KMT2C: variants seen among roughly 807,000 people sequenced by gnomAD.
KMT2C encodes histone-lysine N-methyltransferase 2C.
Under a neutral mutation model 507.9 loss-of-function variants are expected in KMT2C, and 88 were observed. The ratio of observed to expected loss-of-function variants is 0.17; its 90% CI spans 0.15 to 0.21. The LOEUF (loss-of-function observed/expected upper bound fraction) is 0.21. Among genes scored for constraint, KMT2C ranks in the 10% least tolerant of loss-of-function variants. The probability of loss-of-function intolerance (pLI) is 1.00; values close to 1 mark genes in which losing one functional copy is unlikely to be tolerated. For synonymous variants in KMT2C, 2,049 were observed against 2,080.8 expected, an observed-to-expected ratio of 0.98 and a Z score of 0.42; for missense variants, 4,954 against 5,957.8, an observed-to-expected ratio of 0.83 and a Z score of 5.55.
rs2129103949 is a variant in KMT2C at position 152,162,688 on chromosome 7, G to A, written c.10889C>T (p.Thr3630Ile). 6.2e-7 allele frequency: 1 copy of A among 1,614,222 alleles called. No individual in the cohort carries two copies. The highest frequency in any genetic ancestry group is 8.5e-7 in the Non-Finnish European group (1 of 1,180,032). Residue 3630 changes from threonine (T) to isoleucine (I), a missense_variant, in exon 43 of 59, where the codon ACT becomes ATT. Thr to Ile is a moderately conservative substitution (Grantham distance 89). Around this residue, in one of 29 missense-constraint regions of KMT2C, gnomAD observed 801 missense variants for 751.2 expected, o/e 1.07. Transcript: ENST00000262189. ...TGAGATGCCTGGAGTCGGTGGGGCA[G>A]TTATATCTGAATGGGGAGTTGATGG... ...KAPSTPHSDI[T>I]APPTPGISET...
At chr7:152,428,458 C>CA (rs140697569) in intron 1 of KMT2C, among the ~76,000 whole-genome samples, 850 of 73,482 alleles carry the variant, frequency 0.012, 7 homozygotes, top group Middle Eastern at 0.025. Context: ...ACTAAAAATA[C>CA]AAAAAAAAAA....
At chr7:152,393,657 TA>T (rs2097518102) in intron 1 of KMT2C, among the ~76,000 whole-genome samples, 1 of 152,128 alleles carries the variant, frequency 6.6e-6, no homozygotes, top group Non-Finnish European at 1.5e-5. Context: ...CTCATGCCTG[TA>T]ATCCCAACAC....
intron 1 of KMT2C, among the ~76,000 whole-genome samples, chr7:152,422,107 C>A (rs1277368407): frequency 2.6e-5 from 4 of 151,970 alleles, no homozygotes; most frequent in Non-Finnish European, 4.4e-5. Context: ...CCTCTTCACC[C>A]AAAATACATA....
chr7:152,301,557 T>G (rs2096568791), intron 6 of KMT2C, among the ~76,000 whole-genome samples: 1 of 151,908 alleles, frequency 6.6e-6, no homozygotes. Flanking sequence ...TGTGGTGGCA[T>G]GCATTTGTGA....
Position 152,200,223 on chromosome 7 carries a change from A to T in KMT2C, c.4093-764T>A, listed in dbSNP as rs143043864. On this transcript the variant is annotated intron_variant, in intron 26 of 58. Transcript: ENST00000262189. ...AACATTTAACACATTCTTGCCAAACATGCACAAAAAAGTTCACTGTAGCAT... is the reference window on the plus strand; with the variant it reads ...AACATTTAACACATTCTTGCCAAACTTGCACAAAAAAGTTCACTGTAGCAT... Among the ~76,000 whole-genome samples, 260 of 152,332 alleles carry T rather than the reference A, an allele frequency of 1.7e-3. 1 individual carries two copies. The highest frequency in any genetic ancestry group is 1.7e-3 in the Non-Finnish European group (118 of 68,026).
At chr7:152,249,790 A>C (rs749403953) in intron 13 of KMT2C, 86 bp downstream of exon 13, 50 of 727,014 alleles carry the variant, frequency 6.9e-5, no homozygotes, top group Non-Finnish European at 1.2e-4. Context: ...TAATGTATAT[A>C]CATACAGCAA....
chr7:152,393,310 A>T (rs1174663882), intron 1 of KMT2C, among the ~76,000 whole-genome samples: 1 of 152,198 alleles, frequency 6.6e-6, no homozygotes, highest in Non-Finnish European at 1.5e-5. Context: ...TAGAAAACTG[A>T]TCTCAGAGTT....
intron 1 of KMT2C, among the ~76,000 whole-genome samples, chr7:152,373,843 A>G (rs2097308793): frequency 6.6e-6 from 1 of 152,208 alleles, no homozygotes; most frequent in Admixed American, 6.5e-5. Context: ...ATGAACATAA[A>G]GGAAGAATAA....
chr7:152,241,438 C>G (rs200215737), intron 14 of KMT2C, among the ~76,000 whole-genome samples: 1 of 152,288 alleles, frequency 6.6e-6, no homozygotes, highest in Non-Finnish European at 1.5e-5. Flanking sequence ...GATCCACCAG[C>G]CTTGGCATCC....
At chr7:152,360,373 G>T (rs184708064) in intron 1 of KMT2C, among the ~76,000 whole-genome samples, 6 of 151,896 alleles carry the variant, frequency 4.0e-5, no homozygotes, top group Non-Finnish European at 8.8e-5. Context: ...AGCTACTCAG[G>T]AGGCTGAGGC....
intron 2 of KMT2C, among the ~76,000 whole-genome samples, chr7:152,355,554 A>AAAAC (rs575118503): frequency 1.1e-4 from 16 of 152,200 alleles, no homozygotes; most frequent in African/African-American, 3.6e-4. Flanking sequence ...AAAAAACAAA[A>AAAAC]AAACAAACAA....
rs1008421847 is a variant in KMT2C at position 152,286,654 on chromosome 7, T to C, written c.850-12787A>G. On this transcript the variant is annotated intron_variant, in intron 6 of 58. Transcript: ENST00000262189. ...ACTTTTCCCTGTTCTTTCCACTAAA[T>C]ACAGCTTTAAAAACCCTTAGCCGTG... Among the ~76,000 whole-genome samples the C allele has an allele frequency of 4.6e-5, 7 of 152,162 alleles. No individual in the cohort carries two copies. In the South Asian group the frequency reaches 6.2e-4, roughly 13 times the overall value.
At chr7:152,229,726 T>C (rs936793455) in intron 18 of KMT2C, among the ~76,000 whole-genome samples, 197 bp downstream of exon 18, 22 of 152,156 alleles carry the variant, frequency 1.4e-4, no homozygotes, top group Non-Finnish European at 3.2e-4. Flanking sequence ...GACAAGTATA[T>C]TGTACAATAT....
intron 14 of KMT2C, among the ~76,000 whole-genome samples, chr7:152,247,416 CA>C (rs1461294378): frequency 6.6e-6 from 1 of 151,904 alleles, no homozygotes; most frequent in Non-Finnish European, 1.5e-5. Flanking sequence ...CAAGAGTTAG[CA>C]ATTAATAAAA....
chr7:152,207,130 G>T (rs1018468628), intron 24 of KMT2C, among the ~76,000 whole-genome samples, 170 bp downstream of exon 24: 1 of 152,040 alleles, frequency 6.6e-6, no homozygotes, highest in Admixed American at 6.6e-5. Context: ...GAACTCTAGA[G>T]CTAAAAAGTC....
intron 6 of KMT2C, among the ~76,000 whole-genome samples, chr7:152,290,423 T>C (rs375271083): frequency 3.4e-5 from 5 of 146,484 alleles, no homozygotes; most frequent in African/African-American, 1.3e-4. Context: ...CGATTCTCTG[T>C]CTCGGCCTCC....
In KMT2C at chr7:152,144,991, T is replaced by C. The variant is rs2090958504; in HGVS notation, c.14175-110A>G. 10 of 1,388,064 alleles carry C rather than the reference T, an allele frequency of 7.2e-6. No individual in the cohort carries two copies. The highest frequency in any genetic ancestry group is 7.8e-6 in the Non-Finnish European group (8 of 1,024,668). The allele number at this position is 1,388,064 out of a possible 1,614,324, so 86.0% of individuals were successfully genotyped here. On this transcript the variant is annotated intron_variant, in intron 54 of 58. Coordinates refer to ENST00000262189, the MANE Select transcript of KMT2C (RefSeq NM_170606.3). This position sits in a 1 kb window ranked among gnomAD's most constrained non-coding sequence, Gnocchi z 4.4. ...AGATTCTTACTGACAGAAACATACA[T>C]GGAAAGCTGCCTAGCAGAGACACAC...
intron 9 of KMT2C, among the ~76,000 whole-genome samples, chr7:152,259,825 GTT>G (rs1174634560): frequency 6.6e-6 from 1 of 152,174 alleles, no homozygotes; most frequent in Non-Finnish European, 1.5e-5. Flanking sequence ...CTTCACTACA[GTT>G]TCACACACAG....
Position 152,260,602 on chromosome 7 carries a change from A to G in KMT2C, c.1299+2414T>C, listed in dbSNP as rs192110615. ...TTAAAGTTAAGATTTTTCTTGTGAC[A>G]GCATAAACTGAAAAAACTGAAGAAA... is the stretch of plus-strand genomic sequence containing the variant. On this transcript the variant is annotated intron_variant, in intron 9 of 58. Transcript: ENST00000262189. 3.0e-4 allele frequency among the ~76,000 whole-genome samples: 46 copies of G among 152,316 alleles called. No individual in the cohort carries two copies. The East Asian group carries it at 6.2e-3, about 20-fold the overall frequency.
Sources: allele counts gnomAD v4.1 joint callset (sites outside exome capture counted in the v4.1 genomes callset), GRCh38; gene constraint gnomAD v4.1.1; regional missense constraint gnomAD v4.1.1; non-coding constraint Gnocchi (gnomAD v3.1); transcripts MANE v1.5; gene names NCBI Gene and HGNC (gene_info 2026-07-23, HGNC 2026-07-21).